Variants in CELF4 observed in about 807,000 individuals in gnomAD.
The protein encoded by CELF4 is CUG-BP- and ETR-3-like factor 4.
Under a neutral mutation model 59.9 loss-of-function variants are expected in CELF4, and 18 were observed. The ratio of observed to expected loss-of-function variants is 0.30; its 90% CI spans 0.21 to 0.45. The LOEUF is 0.45. Ranked by LOEUF, CELF4 falls within the 20% of genes least tolerant of loss-of-function variation. CELF4 has a pLI of 1.00. For missense variants in CELF4, 456 were observed against 689.0 expected (o/e 0.66, Z 3.79); for synonymous variants, 261 against 267.1 (o/e 0.98, Z 0.22).
intron 1 of CELF4, among the ~76,000 whole-genome samples, chr18:37,520,340 C>T (rs934256335): frequency 6.6e-6 from 1 of 152,130 alleles, no homozygotes; most frequent in African/African-American, 2.4e-5. Flanking sequence ...AGAGCGGTCC[C>T]AGGAAGGCGT....
chr18:37,350,402 T>C (rs1248579345), intron 2 of CELF4, among the ~76,000 whole-genome samples: 1 of 152,154 alleles, frequency 6.6e-6, no homozygotes, highest in Non-Finnish European at 1.5e-5. Flanking sequence ...GGACAACAGC[T>C]CACTCACCCG....
intron 2 of CELF4, among the ~76,000 whole-genome samples, chr18:37,368,256 G>A (rs1247164862): frequency 6.6e-6 from 1 of 152,092 alleles, no homozygotes. Flanking sequence ...AGCACAATGT[G>A]GAGGAATCTG....
In CELF4 at chr18:37,254,142, C is replaced by T. The variant is rs996385784; in HGVS notation, c.1334-204G>A. ...CTCCGGGGGCAGGCGCTGGCGGGGA[C>T]CCGGCTCGCTGACCTGCGCCTAGTC... is the stretch of plus-strand genomic sequence containing the variant. On this transcript the variant is annotated intron_variant, in intron 11 of 12. Transcript: ENST00000420428. This position sits in a 1 kb window ranked among gnomAD's most constrained non-coding sequence, Gnocchi z 5.1. Among the ~76,000 whole-genome samples the T allele has an allele frequency of 5.3e-5, 8 of 150,552 alleles. No individual in the cohort carries two copies. The highest frequency in any genetic ancestry group is 1.0e-4 in the Non-Finnish European group (7 of 67,434).
chr18:37,533,755 G>A (rs73947550), intron 1 of CELF4, among the ~76,000 whole-genome samples: 1,560 of 152,326 alleles, frequency 0.01, 27 homozygotes, highest in African/African-American at 0.034. Flanking sequence ...GCTCCTGCAT[G>A]TCCCTCTCCT....
intron 2 of CELF4, among the ~76,000 whole-genome samples, chr18:37,342,511 G>C (rs1322061712): frequency 6.6e-6 from 1 of 152,156 alleles, no homozygotes; most frequent in Non-Finnish European, 1.5e-5. Context: ...TGGAGGGCAG[G>C]AGTGAGGAGT....
At chr18:37,327,194 T>C (rs2097347315) in intron 2 of CELF4, among the ~76,000 whole-genome samples, 2 of 152,106 alleles carry the variant, frequency 1.3e-5, no homozygotes, top group Non-Finnish European at 2.9e-5. Context: ...TCCTCTTGCA[T>C]CTGGTTCTGG....
chr18:37,421,765 T>G (rs997962261), intron 2 of CELF4, among the ~76,000 whole-genome samples: 1 of 152,204 alleles, frequency 6.6e-6, no homozygotes, highest in Non-Finnish European at 1.5e-5. Flanking sequence ...AGCAAAAGAA[T>G]GGCCAAGCCA....
chr18:37,514,171 C>T (rs1468315271), intron 1 of CELF4, among the ~76,000 whole-genome samples: 1 of 152,118 alleles, frequency 6.6e-6, no homozygotes, highest in Non-Finnish European at 1.5e-5. Flanking sequence ...CCATCTCAAA[C>T]AACTAGAGGC....
chr18:37,383,579 G>A (rs1472281309), intron 2 of CELF4, among the ~76,000 whole-genome samples: 1 of 152,190 alleles, frequency 6.6e-6, no homozygotes, highest in East Asian at 1.9e-4. Context: ...ACAGAAGTCT[G>A]TAATATGCAG....
intron 2 of CELF4, among the ~76,000 whole-genome samples, chr18:37,382,026 G>A (rs979204394): frequency 2.0e-5 from 3 of 152,214 alleles, no homozygotes; most frequent in Non-Finnish European, 4.4e-5. Flanking sequence ...AGAGTTAAAG[G>A]CTCACTCTTT....
chr18:37,414,242 C>CTATCTATCTATG (rs1557418284), intron 2 of CELF4, among the ~76,000 whole-genome samples: 6 of 143,724 alleles, frequency 4.2e-5, no homozygotes, highest in Admixed American at 7.1e-5. Context: ...ATCTATCTAT[C>CTATCTATCTATG]TATCCATCCA....
intron 1 of CELF4, among the ~76,000 whole-genome samples, chr18:37,537,345 C>T (rs898618439): frequency 6.6e-6 from 1 of 152,160 alleles, no homozygotes; most frequent in Admixed American, 6.5e-5. Flanking sequence ...CCTGTGTACA[C>T]GCTGAGAGCC....
At chr18:37,332,890 G>A (rs2097594636) in intron 2 of CELF4, among the ~76,000 whole-genome samples, 1 of 152,208 alleles carries the variant, frequency 6.6e-6, no homozygotes, top group Non-Finnish European at 1.5e-5. Context: ...TTGTCTCCAA[G>A]CCCCACGTCC....
chr18:37,287,153 G>T (rs1434449872), intron 3 of CELF4, among the ~76,000 whole-genome samples: 1 of 152,188 alleles, frequency 6.6e-6, no homozygotes, highest in South Asian at 2.1e-4. Context: ...TGAGGGATTG[G>T]TTGGGAGCCC....
chr18:37,310,253 G>C (rs1355654098), intron 3 of CELF4, among the ~76,000 whole-genome samples: 1 of 152,110 alleles, frequency 6.6e-6, no homozygotes, highest in Non-Finnish European at 1.5e-5. Flanking sequence ...ACTGGGACCA[G>C]AGGGCTTGGC....
rs764874262 is a variant in CELF4, at chr18:37,273,147, G to A, written c.818C>T (p.Ala273Val). The A allele has an allele frequency of 3.1e-6, 5 of 1,609,568 alleles. No homozygotes were observed. Among genetic ancestry groups the A allele is most frequent in the African/African-American group, 1.3e-5 (1 of 74,886 alleles). ...CTGCGCGACTGATGCCATCAGGGCCGCTTGCTGCTGCATCAGCTGGGGCAG... is the reference window on the plus strand; with the variant it reads ...CTGCGCGACTGATGCCATCAGGGCCACTTGCTGCTGCATCAGCTGGGGCAG... Reference protein sequence around the residue: ...AYAQALMQQQAALMASVAQGG... With the variant: ...AYAQALMQQQVALMASVAQGG... The change falls in exon 7 of 13, where the codon GCG (alanine) becomes GTG (valine). Residue 273 changes from alanine (A) to valine (V), a missense_variant. Ala to Val is a moderately conservative substitution (Grantham distance 64, BLOSUM62 0). Around this residue, in one of 7 missense-constraint regions of CELF4, gnomAD observed 256 missense variants for 340.8 expected, o/e 0.75. Coordinates refer to ENST00000420428, the MANE Select transcript of CELF4 (RefSeq NM_020180.4).
intron 2 of CELF4, among the ~76,000 whole-genome samples, chr18:37,450,551 G>A (rs572635169): frequency 6.6e-6 from 1 of 151,760 alleles, no homozygotes; most frequent in Non-Finnish European, 1.5e-5. Context: ...GATAAAGTGC[G>A]CACAGCTGCT....
chr18:37,491,046 C>G (rs1471053610), intron 1 of CELF4, among the ~76,000 whole-genome samples: 1 of 152,032 alleles, frequency 6.6e-6, no homozygotes, highest in Non-Finnish European at 1.5e-5. Flanking sequence ...AGAGAGGTGA[C>G]AGAACTGCAG....
intron 1 of CELF4, among the ~76,000 whole-genome samples, chr18:37,557,093 G>A (rs911697996): frequency 1.8e-4 from 28 of 152,356 alleles, no homozygotes; most frequent in Admixed American, 1.5e-3. Flanking sequence ...GCATTTCTCA[G>A]TGTGAAATAC....
Sources: gnomAD v4.1 joint callset for allele counts (sites outside exome capture counted in the v4.1 genomes callset) on GRCh38, gnomAD v4.1.1 for gene constraint, gnomAD v4.1.1 regional missense constraint, Gnocchi (gnomAD v3.1) non-coding constraint, MANE v1.5 for transcripts, NCBI Gene and HGNC (gene_info 2026-07-23, HGNC 2026-07-21) for gene names.